Variants in ZNF24 observed in about 807,000 individuals in gnomAD.
ZNF24 encodes zinc finger protein 24.
In ZNF24, 11 loss-of-function variants were observed where a neutral mutation model predicts 40.9. The observed-to-expected ratio is 0.27, with a 90% CI of 0.17 to 0.45. The LOEUF (loss-of-function observed/expected upper bound fraction) is 0.45, where lower values mean the gene tolerates loss of function less well. ZNF24 is among the 20% of genes least tolerant of loss of function. ZNF24 has a pLI of 1.00. For synonymous variants in ZNF24, 139 were observed against 154.7 expected (o/e 0.90, Z 0.75); for missense variants, 293 against 437.7 (o/e 0.67, Z 2.95).
In ZNF24 at chr18:35,340,557, G is replaced by C; in HGVS notation, c.94C>G (p.Pro32Ala). 6.2e-7 allele frequency: 1 copy of C among 1,614,190 alleles called. No homozygotes were observed. Among genetic ancestry groups the C allele is most frequent in the Non-Finnish European group, 8.5e-7 (1 of 1,180,044 alleles). The change falls in exon 2 of 4, where the codon CCT becomes GCT. Residue 32 changes from proline to alanine, a missense_variant. By Grantham distance (27) the Pro-to-Ala change is conservative (BLOSUM62 -1). Around this residue, in one of 2 missense-constraint regions of ZNF24, gnomAD observed 234 missense variants for 299.2 expected, o/e 0.78. Transcript: ENST00000261332. This position sits in a 1 kb window ranked among gnomAD's most constrained non-coding sequence, Gnocchi z 4.6. ...KILRVKLEED[P>A]DGEEGSSIPW... ...ATACTTGATCCCTCTTCGCCATCAG[G>C]ATCCTCCTCCAACTTCACTCTCAGA...
rs1470979436 is a variant in ZNF24, at chr18:35,336,547, G to A, written c.*685C>T. The A allele has an allele frequency of 6.6e-6, 1 of 152,116 alleles. No individual in the cohort carries two copies. The highest frequency in any genetic ancestry group is 2.4e-5 in the African/African-American group (1 of 41,420). The allele number at this position is 152,116 out of a possible 1,614,324, so 9.4% of individuals were successfully genotyped here. On this transcript the variant is annotated 3_prime_UTR_variant, in exon 4 of 4. Coordinates refer to ENST00000261332, the MANE Select transcript of ZNF24 (RefSeq NM_006965.4). ...ATTAGTAAGATGACTCCAAATTATA[G>A]AGAGGATGAGTAGCTTTTGAATTTT...
At position 35,334,316 on chromosome 18, in the gene ZNF24, AT is replaced by A. The variant is rs1474356727; in HGVS notation, c.*2915del. ...ATGTCCCTGGAGTCTACAGAACCAG[AT>A]TTGAATTTTATCTCTAGGCCACATG... On this transcript the variant is annotated 3_prime_UTR_variant, in exon 4 of 4. Coordinates refer to ENST00000261332, the MANE Select transcript of ZNF24 (RefSeq NM_006965.4). The A allele has an allele frequency of 6.6e-6, 1 of 152,196 alleles. No homozygotes were observed. The highest frequency in any genetic ancestry group is 1.5e-5 in the Non-Finnish European group (1 of 68,024). 9.4% of individuals were successfully genotyped at this position (152,196 alleles called of 1,614,324 possible).
chr18:35,338,449 TC>T, intron 3 of ZNF24: 1 of 985,454 alleles, frequency 1.0e-6, no homozygotes, highest in African/African-American at 1.7e-5. Flanking sequence ...TTTCTAAGCC[TC>T]AGTGAAACGT....
Position 35,339,753 on chromosome 18 carries a change from G to A in ZNF24, c.568+76C>T, listed in dbSNP as rs1156373143. The A allele has an allele frequency of 3.0e-6, 4 of 1,343,296 alleles. No homozygotes were observed. The East Asian group carries it at 9.6e-5, about 32-fold the overall frequency. 83.2% of individuals were successfully genotyped at this position (1,343,296 alleles called of 1,614,324 possible). On this transcript the variant is annotated intron_variant, in intron 3 of 3. Coordinates refer to ENST00000261332, the MANE Select transcript of ZNF24 (RefSeq NM_006965.4). ...AGAGTGATATGATCCCCCCACCAGT[G>A]AGAACAAGCAAAGTTCTGAACAAAA...
At chr18:35,338,752 A>C in intron 3 of ZNF24, 2 of 1,230,194 alleles carry the variant, frequency 1.6e-6, no homozygotes, top group Non-Finnish European at 2.0e-6. Flanking sequence ...AGTGGAGACA[A>C]ACGGCACACA....
rs1471418214 is a variant in ZNF24 at position 35,335,761 on chromosome 18, T to A, written c.*1471A>T. ...TACATTTTAAAAAATGTGTTAAGACTGAAAATTAAAAAAAAATTCAATTGT... is the reference window on the plus strand; with the variant it reads ...TACATTTTAAAAAATGTGTTAAGACAGAAAATTAAAAAAAAATTCAATTGT... On this transcript the variant is annotated 3_prime_UTR_variant, in exon 4 of 4. Transcript: ENST00000261332. The A allele has an allele frequency of 6.6e-6, 1 of 152,150 alleles. No individual in the cohort carries two copies. The highest frequency in any genetic ancestry group is 1.9e-4 in the East Asian group (1 of 5,200). 9.4% of individuals were successfully genotyped at this position (152,150 alleles called of 1,614,324 possible).
Position 35,332,974 on chromosome 18 carries a change from T to C in ZNF24, c.*4258A>G, listed in dbSNP as rs564114027. On this transcript the variant is annotated 3_prime_UTR_variant, in exon 4 of 4. Transcript: ENST00000261332. ...TTTTTCGCCCAACAGATAAAAACTA[T>C]CAAGTGTAGGTATGGTTATATGGGG... 1.3e-5 allele frequency: 2 copies of C among 152,188 alleles called. No individual in the cohort carries two copies. Among genetic ancestry groups the C allele is most frequent in the East Asian group, 3.9e-4 (2 of 5,176 alleles). 9.4% of individuals were successfully genotyped at this position (152,188 alleles called of 1,614,324 possible). A position where few individuals can be genotyped will look rare whatever the true frequency, so the allele number is the denominator to read the frequency against.
chr18:35,339,173 A>G (rs2044941260), intron 3 of ZNF24: 16 of 817,434 alleles, frequency 2.0e-5, no homozygotes, highest in South Asian at 2.9e-5. Flanking sequence ...AAGGATACAC[A>G]TAAGTATATG....
chr18:35,343,584 G>A (rs2044988733), intron 1 of ZNF24, among the ~76,000 whole-genome samples: 1 of 152,176 alleles, frequency 6.6e-6, no homozygotes, highest in African/African-American at 2.4e-5. Flanking sequence ...GGCCTTATCA[G>A]ACAAGTAATA....
rs1275122287 is a variant in ZNF24, at chr18:35,336,472, ATTAT to A, written c.*756_*759del. On this transcript the variant is annotated 3_prime_UTR_variant, in exon 4 of 4. Coordinates refer to ENST00000261332, the MANE Select transcript of ZNF24 (RefSeq NM_006965.4). ...TACCTTCATTATTTTACAACTGTTT[ATTAT>A]TTAGACTGTATGCTTTTTAATAATA... 1 of 152,144 alleles carries A rather than the reference ATTAT, an allele frequency of 6.6e-6. No individual in the cohort carries two copies. 9.4% of individuals were successfully genotyped at this position (152,144 alleles called of 1,614,324 possible). A position where few individuals can be genotyped will look rare whatever the true frequency, so the allele number is the denominator to read the frequency against.
chr18:35,342,115 G>A (rs187921249), intron 1 of ZNF24, among the ~76,000 whole-genome samples: 3 of 152,054 alleles, frequency 2.0e-5, no homozygotes, highest in Admixed American at 2.0e-4. Context: ...AGAATCTCTT[G>A]AACCCGCGAG....
chr18:35,338,729 A>G (rs1311907765), intron 3 of ZNF24: 2 of 1,178,146 alleles, frequency 1.7e-6, no homozygotes, highest in Non-Finnish European at 2.1e-6. Flanking sequence ...AAAACAGAGG[A>G]GCGTGAAGAT....
At position 35,340,377 on chromosome 18, in the gene ZNF24, A is replaced by G. The variant is rs570943082; in HGVS notation, c.274T>C (p.Leu92=). ...AACTGCTCCAGCACTACCAGCTCCAAGATTTGTTCTTTTGTGTGCGTCTCT... is the reference window on the plus strand; with the variant it reads ...AACTGCTCCAGCACTACCAGCTCCAGGATTTGTTCTTTTGTGTGCGTCTCT... ...RPETHTKEQI[L]ELVVLEQFVA... is the part of the protein sequence containing the mutation. Residue 92 remains leucine, a synonymous_variant, in exon 2 of 4, where the codon TTG becomes CTG. Coordinates refer to ENST00000261332, the MANE Select transcript of ZNF24 (RefSeq NM_006965.4). The surrounding 1 kb of genome is among the most constrained non-coding windows in gnomAD (Gnocchi z 4.6). The G allele has an allele frequency of 9.3e-6, 15 of 1,614,022 alleles. No homozygotes were observed. Among genetic ancestry groups the G allele is most frequent in the Non-Finnish European group, 1.1e-5 (13 of 1,180,028 alleles).
chr18:35,339,996 A>T lies in ZNF24; in HGVS notation c.421-20T>A. On this transcript the variant is annotated intron_variant, in intron 2 of 3. Transcript: ENST00000261332. ...AGAAACCTGGAAACAGAAAGATTTG[A>T]TTCAGAGAAGGAACTGTAATGAGAA... is the stretch of plus-strand genomic sequence containing the variant. The T allele has an allele frequency of 3.1e-6, 5 of 1,601,358 alleles. No homozygotes were observed. The highest frequency in any genetic ancestry group is 4.3e-6 in the Non-Finnish European group (5 of 1,170,382).
Position 35,337,344 on chromosome 18 carries a change from T to C in ZNF24, c.995A>G (p.Glu332Gly). 1 of 1,613,772 alleles carries C rather than the reference T, an allele frequency of 6.2e-7. No homozygotes were observed. Among genetic ancestry groups the C allele is most frequent in the Non-Finnish European group, 8.5e-7 (1 of 1,179,778 alleles). ...ACACTGAACGCATTCATAAGGTTTC[T>C]CCCCAGTATGGATTCTCTGATGATT... ...LINHQRIHTG[E>G]KPYECVQCGK... Residue 332 changes from glutamate (E) to glycine (G), a missense_variant, in exon 4 of 4, where the codon GAG (glutamate) becomes GGG (glycine). Around this residue, in one of 2 missense-constraint regions of ZNF24, gnomAD observed 59 missense variants for 138.6 expected, o/e 0.43. Transcript: ENST00000261332.
chr18:35,343,774 G>T (rs1312909859), intron 1 of ZNF24: 1 of 152,376 alleles, frequency 6.6e-6, no homozygotes, highest in African/African-American at 2.4e-5. Flanking sequence ...AAGGCCCACG[G>T]TCCCGACAAT....
At chr18:35,338,700 G>C in intron 3 of ZNF24, 1 of 1,117,090 alleles carries the variant, frequency 9.0e-7, no homozygotes, top group Non-Finnish European at 1.1e-6. Flanking sequence ...GAGGAGGATA[G>C]TGAGGCTTGG....
chr18:35,337,969 T>C (rs988380030), intron 3 of ZNF24, 199 bp from the exon 4 acceptor site: 1 of 496,324 alleles, frequency 2.0e-6, no homozygotes, highest in Non-Finnish European at 3.2e-6. Context: ...ATAAGGGATA[T>C]CTGAATAAAA....
At position 35,339,054 on chromosome 18, in the gene ZNF24, A is replaced by G. The variant is rs547134758; in HGVS notation, c.568+775T>C. On this transcript the variant is annotated intron_variant, in intron 3 of 3. Coordinates refer to ENST00000261332, the MANE Select transcript of ZNF24 (RefSeq NM_006965.4). Reference sequence around the variant, plus strand: ...CAGTGGCATACCAGCACCATCTCCAACTACTTCAAGGAATGATTACTAAAG... The same window carrying G: ...CAGTGGCATACCAGCACCATCTCCAGCTACTTCAAGGAATGATTACTAAAG... 30 of 1,536,002 alleles carry G rather than the reference A, an allele frequency of 2.0e-5. No homozygotes were observed. The African/African-American group carries it at 3.3e-4, about 17-fold the overall frequency.
Sources: gnomAD v4.1 joint callset for allele counts (sites outside exome capture counted in the v4.1 genomes callset) on GRCh38, gnomAD v4.1.1 for gene constraint, gnomAD v4.1.1 regional missense constraint, Gnocchi (gnomAD v3.1) non-coding constraint, MANE v1.5 for transcripts, NCBI Gene and HGNC (gene_info 2026-07-23, HGNC 2026-07-21) for gene names.